The following RAB11FIP5 variants were observed in gnomAD, a reference collection of about 807,000 sequenced individuals.
The protein encoded by RAB11FIP5 is rab11 family-interacting protein 5.
In RAB11FIP5, 48 loss-of-function variants were observed where a neutral mutation model predicts 85.1. The ratio of observed to expected loss-of-function variants is 0.56; its 90% CI spans 0.45 to 0.72. The LOEUF is 0.72. Among genes scored for constraint, RAB11FIP5 ranks in the 30% least tolerant of loss-of-function variants. The probability of loss-of-function intolerance (pLI) is 0.00; values close to 1 mark genes in which losing one functional copy is unlikely to be tolerated. For missense variants in RAB11FIP5, 1,491 were observed against 1,687.0 expected (o/e 0.88, Z 2.04); for synonymous variants, 729 against 727.3 (o/e 1.00, Z -0.04).
rs186025333 is a variant in RAB11FIP5 at position 73,095,861 on chromosome 2, T to C, written c.432-6546A>G. The stretch of plus-strand genomic sequence containing the variant: ...CAGACCCTGAAGACCAGACCCCCTT[T>C]CAAAAGGTTGGCACAATCCCAGAGC... On this transcript the variant is annotated intron_variant, in intron 1 of 5. Transcript: ENST00000486777. 1.8e-3 allele frequency among the ~76,000 whole-genome samples: 276 copies of C among 152,048 alleles called. 1 individual carries two copies. The highest frequency in any genetic ancestry group is 6.4e-3 in the African/African-American group (266 of 41,364).
chr2:73,077,418 C>T (rs955845150), intron 4 of RAB11FIP5, among the ~76,000 whole-genome samples: 1 of 152,234 alleles, frequency 6.6e-6, no homozygotes, highest in African/African-American at 2.4e-5. Context: ...CTTCTAGTCA[C>T]AGCCACTAAA....
At chr2:73,110,519 G>A (rs778715466) in intron 1 of RAB11FIP5, among the ~76,000 whole-genome samples, 1 of 151,134 alleles carries the variant, frequency 6.6e-6, no homozygotes, top group Non-Finnish European at 1.5e-5. Context: ...TGTTGCATCA[G>A]AGAAAACAGC....
chr2:73,075,225 G>T lies in RAB11FIP5; in HGVS notation c.*296C>A, dbSNP rs1409107447. The T allele has an allele frequency of 1.5e-6, 1 of 672,598 alleles. No individual in the cohort carries two copies. The allele number at this position is 672,598 out of a possible 1,614,324, so 41.7% of individuals were successfully genotyped here. Reference sequence around the variant, plus strand: ...TCAAGCTACAGTTCACCCCTGCTCTGTCTTGGGGGAAGAGTTCCAATTCCC... The same window carrying T: ...TCAAGCTACAGTTCACCCCTGCTCTTTCTTGGGGGAAGAGTTCCAATTCCC... On this transcript the variant is annotated 3_prime_UTR_variant, in exon 6 of 6. Transcript: ENST00000486777. This position sits in a 1 kb window ranked among gnomAD's most constrained non-coding sequence, Gnocchi z 4.6.
intron 1 of RAB11FIP5, among the ~76,000 whole-genome samples, chr2:73,100,075 T>C (rs1684399136): frequency 6.6e-6 from 1 of 152,076 alleles, no homozygotes; most frequent in Non-Finnish European, 1.5e-5. Context: ...GAGGAAGAAA[T>C]ACTGATCCAG....
intron 1 of RAB11FIP5, among the ~76,000 whole-genome samples, chr2:73,109,911 C>A (rs1349382404): frequency 6.6e-6 from 1 of 152,228 alleles, no homozygotes; most frequent in East Asian, 1.9e-4. Flanking sequence ...TGTACAGGGA[C>A]TGTACTAGGT....
rs139688829 is a variant in RAB11FIP5, at chr2:73,112,634, G to C, written c.144C>G (p.Ile48Met). ...TACTGTACTTCTCGCGGCCCACCTG[G>C]ATCACCGTGTACGCGTCGCTGGTGC... ...AGSTSDAYTV[I>M]QVGREKYSTS... The change falls in exon 1 of 6, where the codon ATC (isoleucine) becomes ATG (methionine). Residue 48 changes from isoleucine to methionine, a missense_variant. Ile to Met is a conservative substitution (Grantham distance 10, BLOSUM62 1). Coordinates refer to ENST00000486777, the MANE Select transcript of RAB11FIP5 (RefSeq NM_001371272.1). 1.2e-6 allele frequency: 2 copies of C among 1,601,898 alleles called. No homozygotes were observed. The highest frequency in any genetic ancestry group is 2.7e-5 in the African/African-American group (2 of 73,472).
At chr2:73,110,426 C>A (rs1404913527) in intron 1 of RAB11FIP5, among the ~76,000 whole-genome samples, 1 of 152,094 alleles carries the variant, frequency 6.6e-6, no homozygotes, top group Non-Finnish European at 1.5e-5. Flanking sequence ...GAGCACCAGG[C>A]CAACTTCACA....
chr2:73,103,730 T>C (rs547643637), intron 1 of RAB11FIP5, among the ~76,000 whole-genome samples: 2 of 152,284 alleles, frequency 1.3e-5, no homozygotes, highest in South Asian at 2.1e-4. Flanking sequence ...GTTTATTGTC[T>C]ATCAAAGGCC....
chr2:73,089,056 C>T lies in RAB11FIP5; in HGVS notation c.691G>A (p.Ala231Thr). 6.2e-7 allele frequency: 1 copy of T among 1,614,232 alleles called. No individual in the cohort carries two copies. The highest frequency in any genetic ancestry group is 8.5e-7 in the Non-Finnish European group (1 of 1,180,044). ...DLGSLGKMGK[A>T]KGFFLRNKLR... is the part of the protein sequence containing the mutation. ...TTGTTGCGGAGGAAGAAGCCTTTGGCTTTGCCCATCTTGCCCAGGCTGCCC... is the reference window on the plus strand; with the variant it reads ...TTGTTGCGGAGGAAGAAGCCTTTGGTTTTGCCCATCTTGCCCAGGCTGCCC... The change falls in exon 2 of 6, where the codon GCC becomes ACC. Residue 231 changes from alanine to threonine, a missense_variant. Around this residue, in one of 3 missense-constraint regions of RAB11FIP5, gnomAD observed 1,211 missense variants for 1,338.0 expected, o/e 0.91. Transcript: ENST00000486777. This position sits in a 1 kb window ranked among gnomAD's most constrained non-coding sequence, Gnocchi z 4.6.
At chr2:73,100,423 T>TG (rs1262162476) in intron 1 of RAB11FIP5, among the ~76,000 whole-genome samples, 1 of 138,114 alleles carries the variant, frequency 7.2e-6, no homozygotes, top group African/African-American at 2.9e-5. Context: ...TTTTTGGTTG[T>TG]GGTTTTTTTT....
intron 1 of RAB11FIP5, among the ~76,000 whole-genome samples, chr2:73,091,807 T>G (rs1377139115): frequency 2.6e-5 from 4 of 152,130 alleles, no homozygotes; most frequent in Non-Finnish European, 5.9e-5. Flanking sequence ...GGAGACCTAC[T>G]CCGCAGCCTG....
chr2:73,103,836 C>T (rs1684475935), intron 1 of RAB11FIP5, among the ~76,000 whole-genome samples: 1 of 152,174 alleles, frequency 6.6e-6, no homozygotes, highest in Non-Finnish European at 1.5e-5. Context: ...CGCAAGATGA[C>T]CTCTCTCAGG....
intron 1 of RAB11FIP5, among the ~76,000 whole-genome samples, chr2:73,110,886 G>C (rs1309242954): frequency 2.6e-5 from 4 of 152,148 alleles, no homozygotes; most frequent in African/African-American, 9.7e-5. Context: ...GGAAGGGGTG[G>C]AATGATTTGG....
rs906743726 is a variant in RAB11FIP5, at chr2:73,088,889, G to A, written c.858C>T (p.Ser286=). Residue 286 remains serine (S), a synonymous_variant, in exon 2 of 6, where the codon TCC becomes TCT. Transcript: ENST00000486777. ...CCTGTGCTTGCTCACCCCCTTCAGT[G>A]GACAGCCAGCTGCTACGGCTTGGTG... is the stretch of plus-strand genomic sequence containing the variant. ...TRSPSRSSWL[S]TEGGRDSAQS... 3 of 1,577,222 alleles carry A rather than the reference G, an allele frequency of 1.9e-6. No homozygotes were observed. The highest frequency in any genetic ancestry group is 2.7e-5 in the African/African-American group (2 of 74,206).
intron 1 of RAB11FIP5, among the ~76,000 whole-genome samples, chr2:73,095,178 A>C (rs76721500): frequency 8.1e-4 from 123 of 152,326 alleles, no homozygotes; most frequent in Non-Finnish European, 1.4e-3. Flanking sequence ...CCCAGCCAGC[A>C]CATGCTCAGG....
chr2:73,106,815 C>T (rs1684536913), intron 1 of RAB11FIP5, among the ~76,000 whole-genome samples: 1 of 152,256 alleles, frequency 6.6e-6, no homozygotes, highest in South Asian at 2.1e-4. Flanking sequence ...TCTCTTCCAG[C>T]TCCCATGCTG....
chr2:73,085,769 C>T (rs1414072897), intron 3 of RAB11FIP5, among the ~76,000 whole-genome samples: 1 of 152,194 alleles, frequency 6.6e-6, no homozygotes, highest in Non-Finnish European at 1.5e-5. Flanking sequence ...CACGTTCAGC[C>T]CCGGGCCTCT....
intron 1 of RAB11FIP5, among the ~76,000 whole-genome samples, chr2:73,091,291 A>G (rs530701572): frequency 1.3e-5 from 2 of 152,302 alleles, no homozygotes; most frequent in East Asian, 3.9e-4. Flanking sequence ...ACTGGGCACC[A>G]CATGAAGGAA....
rs1275536286 is a variant in RAB11FIP5, at chr2:73,089,353, G to A, written c.432-38C>T. On this transcript the variant is annotated intron_variant, in intron 1 of 5. Coordinates refer to ENST00000486777, the MANE Select transcript of RAB11FIP5 (RefSeq NM_001371272.1). The surrounding 1 kb of genome is among the most constrained non-coding windows in gnomAD (Gnocchi z 4.6). Reference sequence around the variant, plus strand: ...GGGAGCAGGCAGAACTCAGTCACGGGCCCAGGGAGCCTGGCTCCCGCCCGG... The same window carrying A: ...GGGAGCAGGCAGAACTCAGTCACGGACCCAGGGAGCCTGGCTCCCGCCCGG... 28 of 1,602,746 alleles carry A rather than the reference G, an allele frequency of 1.7e-5. No individual in the cohort carries two copies. Among genetic ancestry groups the A allele is most frequent in the Non-Finnish European group, 2.1e-5 (25 of 1,175,626 alleles).
Sources: gnomAD v4.1 joint callset for allele counts (sites outside exome capture counted in the v4.1 genomes callset) on GRCh38, gnomAD v4.1.1 for gene constraint, gnomAD v4.1.1 regional missense constraint, Gnocchi (gnomAD v3.1) non-coding constraint, MANE v1.5 for transcripts, NCBI Gene and HGNC (gene_info 2026-07-23, HGNC 2026-07-21) for gene names.